The following SLC2A9 variants were observed in gnomAD, a reference collection of about 807,000 sequenced individuals.
The protein encoded by SLC2A9 is solute carrier family 2, facilitated glucose transporter member 9.
Under a neutral mutation model 50.6 loss-of-function variants are expected in SLC2A9, and 39 were observed. The observed-to-expected ratio is 0.77, with a 90% CI of 0.60 to 1.01. The LOEUF is 1.01. Ranked by LOEUF, SLC2A9 falls within the 50% of genes least tolerant of loss-of-function variation. SLC2A9 has a pLI of 0.00. For missense variants in SLC2A9, 686 were observed against 677.6 expected (o/e 1.01, Z -0.14); for synonymous variants, 324 against 276.9 (o/e 1.17, Z -1.69).
At chr4:9,999,127 A>G (rs1759315923) in intron 2 of SLC2A9, among the ~76,000 whole-genome samples, 1 of 149,718 alleles carries the variant, frequency 6.7e-6, no homozygotes, top group Non-Finnish European at 1.5e-5. Context: ...AGCTCACTGC[A>G]GATTTGATCC....
intron 1 of SLC2A9, among the ~76,000 whole-genome samples, chr4:9,773,874 TC>T (rs1259585043): frequency 6.6e-6 from 1 of 152,170 alleles, no homozygotes; most frequent in Non-Finnish European, 1.5e-5. Flanking sequence ...ATGGAGCCCT[TC>T]CAGGGAAAGA....
At chr4:9,870,593 A>C (rs1733261501) in intron 10 of SLC2A9, among the ~76,000 whole-genome samples, 1 of 152,238 alleles carries the variant, frequency 6.6e-6, no homozygotes, top group South Asian at 2.1e-4. Flanking sequence ...CATAAGGAAC[A>C]CTGCCACGTT....
chr4:9,986,158 T>G (rs1346533668), intron 3 of SLC2A9, among the ~76,000 whole-genome samples: 3 of 152,212 alleles, frequency 2.0e-5, no homozygotes, highest in African/African-American at 7.2e-5. Context: ...GGAGAGAATT[T>G]AACATAGGGA....
downstream of SLC2A9, among the ~76,000 whole-genome samples, chr4:9,774,974 A>G (rs1331782178): frequency 6.6e-6 from 1 of 152,020 alleles, no homozygotes; most frequent in Admixed American, 6.5e-5. Flanking sequence ...CTACACATCA[A>G]TCCAGGCCAG....
At chr4:10,033,071 G>A (rs899127935) in intron 1 of SLC2A9, among the ~76,000 whole-genome samples, 2 of 152,110 alleles carry the variant, frequency 1.3e-5, no homozygotes, top group Non-Finnish European at 2.9e-5. Context: ...TCCCTTTCAC[G>A]TGCTGAGGAG....
intron 10 of SLC2A9, among the ~76,000 whole-genome samples, chr4:9,878,649 CA>C (rs1317716145): frequency 1.3e-5 from 2 of 152,086 alleles, no homozygotes; most frequent in Admixed American, 1.3e-4. Flanking sequence ...GTAAGTAGGG[CA>C]CTTTCCTGAG....
intron 10 of SLC2A9, among the ~76,000 whole-genome samples, chr4:9,886,425 TGTGTGTGTGTG>T (rs1560240951): frequency 0.038 from 37 of 964 alleles, 1 homozygote; most frequent in African/African-American, 0.13. Flanking sequence ...CTCATAGCAC[TGTGTGTGTGTG>T]TGTGTGTGTG....
chr4:10,015,361 TTTGA>T (rs1359258522), intron 2 of SLC2A9, among the ~76,000 whole-genome samples: 9 of 152,064 alleles, frequency 5.9e-5, no homozygotes. Context: ...CAGACCTGGG[TTTGA>T]ATTCCAACAC....
At chr4:9,945,655 C>A (rs1014073848) in intron 5 of SLC2A9, among the ~76,000 whole-genome samples, 13 of 152,240 alleles carry the variant, frequency 8.5e-5, no homozygotes, top group African/African-American at 3.1e-4. Flanking sequence ...GAGGAGCCAT[C>A]AGACCACCAG....
intron 10 of SLC2A9, among the ~76,000 whole-genome samples, chr4:9,857,206 G>T (rs986648354): frequency 1.3e-5 from 2 of 152,192 alleles, no homozygotes; most frequent in African/African-American, 4.8e-5. Context: ...TCAGAACCTG[G>T]GTTCCCACTC....
At chr4:9,783,456 TC>T (rs775427531) in intron 3 of SLC2A9, 14 of 1,601,710 alleles carry the variant, frequency 8.7e-6, no homozygotes, top group Middle Eastern at 1.7e-4. Context: ...CCGAATGGAT[TC>T]CATTAAACTG....
chr4:9,784,033 TGC>T (rs1718886742), intron 3 of SLC2A9: 1 of 167,254 alleles, frequency 6.0e-6, no homozygotes, highest in South Asian at 2.1e-4. Flanking sequence ...ATCTTTGCTT[TGC>T]TACATTGGGT....
At chr4:9,992,919 C>A (rs746916015) in intron 3 of SLC2A9, among the ~76,000 whole-genome samples, 1 of 152,128 alleles carries the variant, frequency 6.6e-6, no homozygotes, top group African/African-American at 2.4e-5. Flanking sequence ...CTGCACTTTA[C>A]AGATTTAAAA....
downstream of SLC2A9, among the ~76,000 whole-genome samples, chr4:9,779,618 G>A (rs1577247922): frequency 6.6e-6 from 1 of 151,906 alleles, no homozygotes; most frequent in South Asian, 2.1e-4. Context: ...GTTTCACCAT[G>A]TTAGCCAGGA....
intron 3 of SLC2A9, chr4:9,783,298 G>A: frequency 6.2e-7 from 1 of 1,614,214 alleles, no homozygotes; most frequent in Non-Finnish European, 8.5e-7. Context: ...CCGGCAACCG[G>A]GAGGTGGACA....
intron 10 of SLC2A9, among the ~76,000 whole-genome samples, chr4:9,881,020 T>C (rs1482266190): frequency 2.0e-5 from 3 of 152,250 alleles, no homozygotes. Context: ...GATTTGCTTC[T>C]AGCTTATCTC....
intron 10 of SLC2A9, among the ~76,000 whole-genome samples, chr4:9,864,570 C>T (rs1024645484): frequency 1.6e-4 from 24 of 152,176 alleles, no homozygotes; most frequent in African/African-American, 5.5e-4. Flanking sequence ...GCAAACTGTG[C>T]ATCATCTTCA....
intron 6 of SLC2A9, among the ~76,000 whole-genome samples, chr4:9,932,422 A>T (rs925023268): frequency 3.9e-5 from 6 of 152,218 alleles, no homozygotes; most frequent in Non-Finnish European, 7.3e-5. Flanking sequence ...GGAGCTTTTC[A>T]TTCTCATGGA....
At chr4:10,002,651 G>C (rs1316614248) in intron 2 of SLC2A9, among the ~76,000 whole-genome samples, 2 of 152,208 alleles carry the variant, frequency 1.3e-5, no homozygotes, top group African/African-American at 4.8e-5. Context: ...TTAGGAGTTT[G>C]AGACTAGCCT....
Sources: gnomAD v4.1 joint callset for allele counts (sites outside exome capture counted in the v4.1 genomes callset) on GRCh38, gnomAD v4.1.1 for gene constraint, MANE v1.5 for transcripts, NCBI Gene and HGNC (gene_info 2026-07-23, HGNC 2026-07-21) for gene names.